MAX: variants seen among roughly 807,000 people sequenced by gnomAD.
MAX encodes the protein MYC associated transcriptional regulator X, also known as protein max.
MAX carries 3 observed loss-of-function variants against 22.3 expected under a neutral mutation model. That is an observed-to-expected ratio of 0.13 (90% CI 0.06 to 0.35). The LOEUF (loss-of-function observed/expected upper bound fraction) is 0.35. Among genes scored for constraint, MAX ranks in the 10% least tolerant of loss-of-function variants. MAX has a pLI of 1.00. For synonymous variants in MAX, 72 were observed against 77.7 expected, an observed-to-expected ratio of 0.93 and a Z score of 0.39; for missense variants, 119 against 209.4, an observed-to-expected ratio of 0.57 and a Z score of 2.66.
chr14:65,075,090 T>G, downstream of MAX: 2 of 1,012,692 alleles, frequency 2.0e-6, no homozygotes, highest in Non-Finnish European at 2.4e-6. This position sits in a 1 kb window ranked among gnomAD's most constrained non-coding sequence, Gnocchi z 4.1. Context: ...ATCAACCACC[T>G]TGGCCTTAAC....
intron 3 of MAX, among the ~76,000 whole-genome samples, chr14:65,040,604 CT>C (rs35890649): frequency 0.09 from 10,611 of 117,258 alleles, 312 homozygotes; most frequent in Admixed American, 0.15. Context: ...CCAGGCCCAG[CT>C]TTTTTTTTTT....
chr14:65,037,039 T>C (rs2062208337), intron 3 of MAX, among the ~76,000 whole-genome samples: 1 of 152,178 alleles, frequency 6.6e-6, no homozygotes, highest in Non-Finnish European at 1.5e-5. Context: ...TATACTTTAG[T>C]ACCAAGATTC....
In MAX at chr14:65,084,175, A is replaced by AT; in HGVS notation, c.172-6140dup. The AT allele has an allele frequency of 6.2e-7, 1 of 1,613,858 alleles. No individual in the cohort carries two copies. The highest frequency in any genetic ancestry group is 8.5e-7 in the Non-Finnish European group (1 of 1,179,830). On this transcript the variant is annotated intron_variant, in intron 3 of 4. Transcript: ENST00000358664. This position sits in a 1 kb window ranked among gnomAD's most constrained non-coding sequence, Gnocchi z 4.3. ...ATTTGTGTAAGGGGTCAAAACAATC[A>AT]TTTTTTAAATCTTGCATTCTTTTTT...
intron 3 of MAX, among the ~76,000 whole-genome samples, chr14:65,055,605 C>T (rs1437939916): frequency 1.3e-5 from 2 of 152,048 alleles, no homozygotes. Flanking sequence ...CAACCTCCAC[C>T]TCCCAGGTTC....
At chr14:65,021,477 G>A (rs1486303617) in intron 3 of MAX, among the ~76,000 whole-genome samples, 1 of 152,064 alleles carries the variant, frequency 6.6e-6, no homozygotes, top group Non-Finnish European at 1.5e-5. Flanking sequence ...CTTTCAGTGA[G>A]GACACCATAT....
intron 3 of MAX, among the ~76,000 whole-genome samples, chr14:65,036,681 T>C (rs988770500): frequency 2.0e-5 from 3 of 151,296 alleles, no homozygotes; most frequent in Admixed American, 1.3e-4. Context: ...TGTCCTTCTT[T>C]AGCGGCTTGG....
At chr14:65,055,078 C>A (rs2062701752) in intron 3 of MAX, among the ~76,000 whole-genome samples, 1 of 152,256 alleles carries the variant, frequency 6.6e-6, no homozygotes, top group South Asian at 2.1e-4. Flanking sequence ...CGCGTCTCTC[C>A]CAGAGGCTCA....
chr14:65,036,754 C>T lies in MAX; in HGVS notation c.172-30470G>A, dbSNP rs139625959. On this transcript the variant is annotated intron_variant, in intron 3 of 3. Transcript: ENST00000341653. ...TGTCACCCAGGTTGGAGTGCAGTGG[C>T]GTAATCTCAGCTCACTGCAACCTCA... Among the ~76,000 whole-genome samples the T allele has an allele frequency of 2.7e-4, 41 of 152,082 alleles. 2 individuals carry two copies. In the East Asian group the frequency reaches 7.1e-3, roughly 26 times the overall value.
At chr14:65,050,618 C>T (rs1230478761) in intron 3 of MAX, among the ~76,000 whole-genome samples, 3 of 152,184 alleles carry the variant, frequency 2.0e-5, no homozygotes, top group Non-Finnish European at 4.4e-5. Flanking sequence ...GGTGCTAATG[C>T]TGGAGGTGGT....
At chr14:65,048,855 AAAC>A (rs542873052) in intron 3 of MAX, among the ~76,000 whole-genome samples, 18 of 151,768 alleles carry the variant, frequency 1.2e-4, no homozygotes, top group Non-Finnish European at 2.5e-4. Context: ...TGTCTCAAAA[AAAC>A]ACAAAAGCCT....
intron 3 of MAX, among the ~76,000 whole-genome samples, chr14:65,046,042 C>G (rs1214693243): frequency 6.6e-6 from 1 of 152,044 alleles, no homozygotes; most frequent in Non-Finnish European, 1.5e-5. Context: ...GGCCGGAGTG[C>G]AATGGATCAC....
At position 65,023,496 on chromosome 14, in the gene MAX, A is replaced by G. The variant is rs371617290; in HGVS notation, c.172-17212T>C. ...GATTTACATACTCTTTAATGATGGA[A>G]TGATAAAAGTGGTGGTGTCCAGCAG... On this transcript the variant is annotated intron_variant, in intron 3 of 3. Coordinates refer to the MAX transcript ENST00000341653. The surrounding 1 kb of genome is among the most constrained non-coding windows in gnomAD (Gnocchi z 4.1). Among the ~76,000 whole-genome samples, 8 of 152,208 alleles carry G rather than the reference A, an allele frequency of 5.3e-5. No homozygotes were observed. The highest frequency in any genetic ancestry group is 1.9e-4 in the African/African-American group (8 of 41,470).
chr14:65,046,126 A>ACCAC (rs752754619), intron 3 of MAX, among the ~76,000 whole-genome samples: 33 of 152,104 alleles, frequency 2.2e-4, no homozygotes, highest in Non-Finnish European at 3.8e-4. Context: ...ATAGGCATGC[A>ACCAC]CCACCACGCC....
At chr14:65,083,963 A>T (rs978580680) in intron 3 of MAX, 2 of 1,404,614 alleles carry the variant, frequency 1.4e-6, no homozygotes, top group Admixed American at 2.9e-5. Flanking sequence ...TTCATTCAAA[A>T]ATGGAACCCC....
downstream of MAX, among the ~76,000 whole-genome samples, chr14:65,070,330 C>A (rs1448093941): frequency 1.3e-5 from 2 of 152,004 alleles, no homozygotes; most frequent in African/African-American, 4.8e-5. The surrounding 1 kb of genome is among the most constrained non-coding windows in gnomAD (Gnocchi z 4.4). Flanking sequence ...AATATTGGAT[C>A]CTTGATTTTT....
intron 3 of MAX, among the ~76,000 whole-genome samples, chr14:65,010,215 G>A (rs1192759346): frequency 6.6e-6 from 1 of 152,160 alleles, no homozygotes; most frequent in Non-Finnish European, 1.5e-5. Flanking sequence ...CCTAGCATAT[G>A]TAAACTCTCC....
At chr14:65,101,898 T>C (rs2063854793) in intron 1 of MAX, among the ~76,000 whole-genome samples, 1 of 152,080 alleles carries the variant, frequency 6.6e-6, no homozygotes, top group Middle Eastern at 3.4e-3. Flanking sequence ...GCCCCCAGGA[T>C]CCGCGGGTCA....
chr14:65,047,080 G>C lies in MAX; in HGVS notation c.172-40796C>G, dbSNP rs1460566739. On this transcript the variant is annotated intron_variant, in intron 3 of 3. Coordinates refer to the MAX transcript ENST00000341653. This position sits in a 1 kb window ranked among gnomAD's most constrained non-coding sequence, Gnocchi z 5.2. ...CAACCCAACTGAAAAACAGGCAAAG[G>C]ATCTGAAGAAAGAGGTCCCAGTGAA... is the stretch of plus-strand genomic sequence containing the variant. 8.5e-5 allele frequency among the ~76,000 whole-genome samples: 13 copies of C among 152,116 alleles called. No individual in the cohort carries two copies.
chr14:65,097,177 C>T (rs1407497775), intron 2 of MAX, among the ~76,000 whole-genome samples: 2 of 152,212 alleles, frequency 1.3e-5, no homozygotes, highest in African/African-American at 4.8e-5. Context: ...TACAATTTGT[C>T]CATCTTTGAC....
Sources: allele counts gnomAD v4.1 joint callset (sites outside exome capture counted in the v4.1 genomes callset), GRCh38; gene constraint gnomAD v4.1.1; non-coding constraint Gnocchi (gnomAD v3.1); transcripts MANE v1.5; gene names NCBI Gene and HGNC (gene_info 2026-07-23, HGNC 2026-07-21).